Variants in SMARCA4 observed in about 807,000 individuals in gnomAD.
The protein encoded by SMARCA4 is SWI/SNF-related matrix-associated actin-dependent regulator of chromatin subfamily A member 4.
In SMARCA4, 31 loss-of-function variants were observed where a neutral mutation model predicts 193.9. That is an observed-to-expected ratio of 0.16 (90% CI 0.12 to 0.22). The LOEUF is 0.22. Among genes scored for constraint, SMARCA4 ranks in the 10% least tolerant of loss-of-function variants. SMARCA4 has a pLI of 1.00. For synonymous variants in SMARCA4, 942 were observed against 933.1 expected, an observed-to-expected ratio of 1.01 and a Z score of -0.17; for missense variants, 1,148 against 2,296.0, an observed-to-expected ratio of 0.50 and a Z score of 10.22.
At chr19:10,997,440 A>G (rs2087180566) in intron 11 of SMARCA4, among the ~76,000 whole-genome samples, 2 of 151,064 alleles carry the variant, frequency 1.3e-5, no homozygotes, top group Admixed American at 6.6e-5. Flanking sequence ...CCTCGTGAAC[A>G]TCGGCCTCCC....
At chr19:11,018,490 C>G (rs2089573849) in intron 16 of SMARCA4, among the ~76,000 whole-genome samples, 1 of 152,112 alleles carries the variant, frequency 6.6e-6, no homozygotes, top group Non-Finnish European at 1.5e-5. Context: ...CCTCACTGTC[C>G]TCGTTCTCTC....
intron 25 of SMARCA4, chr19:11,032,169 C>G (rs913764853): frequency 2.0e-5 from 3 of 152,386 alleles, no homozygotes; most frequent in Admixed American, 1.3e-4. Flanking sequence ...CTGGCCCTGC[C>G]AGGAAGTGTG....
At chr19:11,060,822 G>A (rs559121291) in intron 34 of SMARCA4, among the ~76,000 whole-genome samples, 4 of 152,308 alleles carry the variant, frequency 2.6e-5, no homozygotes, top group African/African-American at 4.8e-5. Context: ...GAAGCCCAGC[G>A]AATGCCATTT....
intron 1 of SMARCA4, among the ~76,000 whole-genome samples, chr19:10,974,177 G>A (rs923523920): frequency 2.0e-5 from 3 of 152,126 alleles, no homozygotes; most frequent in South Asian, 4.1e-4. Context: ...TTGCTGGTTA[G>A]CAACCTGCCC....
rs897082388 is a variant in SMARCA4, at chr19:11,010,958, C to A, written c.2274+427C>A. 1.9e-5 allele frequency: 5 copies of A among 261,746 alleles called. No homozygotes were observed. In the South Asian group the frequency reaches 2.2e-4, roughly 11 times the overall value. The allele number at this position is 261,746 out of a possible 1,614,324, so 16.2% of individuals were successfully genotyped here. ...CTGAGCTCTGTGTGGTGTGAAACGG[C>A]GAGCGTCAGGAGCTTAGATCTAGGA... is the stretch of plus-strand genomic sequence containing the variant. On this transcript the variant is annotated intron_variant, in intron 15 of 34. Transcript: ENST00000344626.
At chr19:11,001,993 A>G (rs879436481) in intron 11 of SMARCA4, among the ~76,000 whole-genome samples, 2 of 152,224 alleles carry the variant, frequency 1.3e-5, no homozygotes, top group Admixed American at 6.5e-5. Flanking sequence ...CAAATAGAGT[A>G]TAAGTGGGGG....
chr19:11,056,609 TAA>T (rs1010456333), intron 30 of SMARCA4, among the ~76,000 whole-genome samples: 42 of 152,032 alleles, frequency 2.8e-4, no homozygotes, highest in African/African-American at 8.9e-4. Flanking sequence ...TTAGTGTGTG[TAA>T]AGTGTGGCTG....
intron 11 of SMARCA4, among the ~76,000 whole-genome samples, chr19:10,999,046 G>C (rs559855377): frequency 2.3e-4 from 35 of 152,068 alleles, no homozygotes; most frequent in African/African-American, 8.0e-4. Context: ...GGGGCTACAG[G>C]CGCACGCCAC....
chr19:10,985,266 C>G lies in SMARCA4; in HGVS notation c.223-7C>G, dbSNP rs762146990. 6.8e-5 allele frequency: 110 copies of G among 1,613,732 alleles called. No homozygotes were observed. The highest frequency in any genetic ancestry group is 9.0e-5 in the Non-Finnish European group (106 of 1,179,964). ...CTGACCCTGCCTTGCCATGGTCCCTCTCGCAGCCCATGGAGTCCATGCATG... is the reference window on the plus strand; with the variant it reads ...CTGACCCTGCCTTGCCATGGTCCCTGTCGCAGCCCATGGAGTCCATGCATG... On this transcript the variant is annotated splice_polypyrimidine_tract_variant and splice_region_variant and intron_variant, in intron 2 of 34. Transcript: ENST00000344626. The surrounding 1 kb of genome is among the most constrained non-coding windows in gnomAD (Gnocchi z 4.5).
intron 6 of SMARCA4, among the ~76,000 whole-genome samples, chr19:10,988,715 T>C (rs1181117302): frequency 6.6e-6 from 1 of 152,192 alleles, no homozygotes; most frequent in Non-Finnish European, 1.5e-5. Context: ...GATATTTTAT[T>C]TTTTTTAAAT....
In SMARCA4 at chr19:10,969,192, G is replaced by A. The variant is rs560922402; in HGVS notation, c.-32+8018G>A. 7.9e-5 allele frequency among the ~76,000 whole-genome samples: 12 copies of A among 152,326 alleles called. No homozygotes were observed. The South Asian group carries it at 2.5e-3, about 32-fold the overall frequency. On this transcript the variant is annotated intron_variant, in intron 1 of 34. Coordinates refer to ENST00000344626, the MANE Select transcript of SMARCA4 (RefSeq NM_003072.5). ...GAACCAGGGGCTGAACCCCGGCCCT[G>A]CCTGTCTTTGCCAAGCCTTGCTCTA...
chr19:11,025,941 G>T (rs551642522), intron 22 of SMARCA4, among the ~76,000 whole-genome samples: 1 of 152,178 alleles, frequency 6.6e-6, no homozygotes, highest in African/African-American at 2.4e-5. Flanking sequence ...GCATATGTTC[G>T]TGTTTCTTGG....
intron 13 of SMARCA4, among the ~76,000 whole-genome samples, chr19:11,003,919 C>G (rs1312172900): frequency 6.6e-6 from 1 of 151,600 alleles, no homozygotes; most frequent in East Asian, 1.9e-4. Context: ...ATCATATTGG[C>G]CAGGCTGGTC....
At chr19:11,012,918 A>G (rs2146274997) in intron 15 of SMARCA4, 31 bp from the exon 16 acceptor site, 1 of 1,613,192 alleles carries the variant, frequency 6.2e-7, no homozygotes, top group Middle Eastern at 1.6e-4. Flanking sequence ...CCCGGCCTTC[A>G]GTCCTGGCGT....
chr19:10,975,325 T>G (rs527838445), intron 1 of SMARCA4, among the ~76,000 whole-genome samples: 7 of 150,124 alleles, frequency 4.7e-5, no homozygotes, highest in African/African-American at 1.7e-4. Flanking sequence ...TTACTTTTTT[T>G]TTTTTTTTTT....
rs751114966 is a variant in SMARCA4, at chr19:10,996,405, C to T, written c.1761+25C>T. Reference sequence around the variant, plus strand: ...GGTGTGCTGGGCCTGGCATGGTGCCCGCCGCGGGTGGGATGGGAGCAGCCG... The same window carrying T: ...GGTGTGCTGGGCCTGGCATGGTGCCTGCCGCGGGTGGGATGGGAGCAGCCG... On this transcript the variant is annotated intron_variant, in intron 10 of 34. Coordinates refer to ENST00000344626, the MANE Select transcript of SMARCA4 (RefSeq NM_003072.5). 23 of 1,613,968 alleles carry T rather than the reference C, an allele frequency of 1.4e-5. No homozygotes were observed. In the East Asian group the frequency reaches 1.8e-4, roughly 13 times the overall value.
rs962839578 is a variant in SMARCA4 at position 11,026,366 on chromosome 19, G to C, written c.3215+20G>C. Reference sequence around the variant, plus strand: ...CCAAGGGTGAGAAGCTTCCCAACTGGATGGGGTGGGCAGGTGGTCCACCCA... The same window carrying C: ...CCAAGGGTGAGAAGCTTCCCAACTGCATGGGGTGGGCAGGTGGTCCACCCA... On this transcript the variant is annotated intron_variant, in intron 23 of 34. Transcript: ENST00000344626. 6.2e-7 allele frequency: 1 copy of C among 1,608,526 alleles called. No homozygotes were observed. The highest frequency in any genetic ancestry group is 1.3e-5 in the African/African-American group (1 of 74,806).
chr19:11,032,518 TA>T (rs1317420393), intron 25 of SMARCA4: 1 of 151,870 alleles, frequency 6.6e-6, no homozygotes, highest in Non-Finnish European at 1.5e-5. Flanking sequence ...ATACAAAAAT[TA>T]GCCAGGCATG....
intron 1 of SMARCA4, chr19:10,983,811 A>G (rs2085766915): frequency 2.2e-6 from 1 of 458,598 alleles, no homozygotes; most frequent in Non-Finnish European, 4.1e-6. Context: ...TGAAGGGTAG[A>G]CCAGCACCCC....
Sources: allele counts gnomAD v4.1 joint callset (sites outside exome capture counted in the v4.1 genomes callset), GRCh38; gene constraint gnomAD v4.1.1; non-coding constraint Gnocchi (gnomAD v3.1); transcripts MANE v1.5; gene names NCBI Gene and HGNC (gene_info 2026-07-23, HGNC 2026-07-21).